Variants in POLD4 observed in about 807,000 individuals in gnomAD.
The protein encoded by POLD4 is DNA polymerase delta subunit 4.
POLD4 carries 9 observed loss-of-function variants against 16.5 expected under a neutral mutation model. The observed-to-expected ratio is 0.55, with a 90% CI of 0.33 to 0.95. The LOEUF (loss-of-function observed/expected upper bound fraction) is 0.95, where lower values mean the gene tolerates loss of function less well. Ranked by LOEUF, POLD4 falls within the 40% of genes least tolerant of loss-of-function variation. The probability of loss-of-function intolerance (pLI) is 0.03; values close to 1 mark genes in which losing one functional copy is unlikely to be tolerated. For synonymous variants in POLD4, 62 were observed against 57.6 expected, an observed-to-expected ratio of 1.08 and a Z score of -0.35; for missense variants, 129 against 139.7, an observed-to-expected ratio of 0.92 and a Z score of 0.39.
chr11:67,350,983 C>A lies in POLD4; in HGVS notation c.*1012G>T, dbSNP rs947719437. 1 of 152,050 alleles carries A rather than the reference C, an allele frequency of 6.6e-6. No homozygotes were observed. The highest frequency in any genetic ancestry group is 1.5e-5 in the Non-Finnish European group (1 of 68,074). 9.4% of individuals were successfully genotyped at this position (152,050 alleles called of 1,614,324 possible). On this transcript the variant is annotated 3_prime_UTR_variant, in exon 4 of 4. Transcript: ENST00000312419. The stretch of plus-strand genomic sequence containing the variant: ...TTCACCATGTTAGCCAGGATGGTCT[C>A]GATCTCTTGACCTCGTGATCCGCCC...
Position 67,352,011 on chromosome 11 carries a change from T to A in POLD4, c.308A>T (p.His103Leu). Residue 103 changes from histidine (H) to leucine (L), a missense_variant, in exon 4 of 4, where the codon CAT becomes CTT. Coordinates refer to ENST00000312419, the MANE Select transcript of POLD4 (RefSeq NM_021173.5). Reference sequence around the variant, plus strand: ...CGTGGTGCCTCATAGGGGATAGAGATGCCAGAGACTGTGGAAGATGGGGTG... The same window carrying A: ...CGTGGTGCCTCATAGGGGATAGAGAAGCCAGAGACTGTGGAAGATGGGGTG... ...GDPRFQCSLW[H>L]LYPL The A allele has an allele frequency of 9.0e-7, 1 of 1,106,078 alleles. No individual in the cohort carries two copies. 68.5% of individuals were successfully genotyped at this position (1,106,078 alleles called of 1,614,324 possible).
chr11:67,352,139 C>T (rs1295347394), intron 3 of POLD4, 120 bp from the exon 4 acceptor site: 13 of 787,368 alleles, frequency 1.7e-5, no homozygotes, highest in Non-Finnish European at 2.7e-5. Flanking sequence ...GCCCATAGTC[C>T]TTGGGAAACC....
chr11:67,353,125 C>G (rs1459148903), intron 1 of POLD4, 48 bp from the exon 2 acceptor site: 1 of 1,528,934 alleles, frequency 6.5e-7, no homozygotes. Context: ...CAGTCTCCTG[C>G]CCCTCACCTC....
At chr11:67,352,527 A>G in intron 3 of POLD4, 164 bp downstream of exon 3, 1 of 574,672 alleles carries the variant, frequency 1.7e-6, no homozygotes, top group Non-Finnish European at 3.1e-6. Context: ...AAGAATTATT[A>G]TAGTGGCGTG....
intron 2 of POLD4, 66 bp from the exon 3 acceptor site, chr11:67,352,868 G>A (rs1861903698): frequency 3.6e-6 from 5 of 1,405,394 alleles, no homozygotes; most frequent in South Asian, 2.6e-5. Context: ...GCTGGAGAAT[G>A]TGTGTGTTGG....
intron 1 of POLD4, 25 bp downstream of exon 1, chr11:67,353,277 TC>T (rs911689647): frequency 1.2e-6 from 2 of 1,601,772 alleles, no homozygotes; most frequent in African/African-American, 1.3e-5. Context: ...TGTCCACTCC[TC>T]CTGCCTCCCT....
chr11:67,353,499 G>A lies in POLD4; in HGVS notation c.-100C>T. On this transcript the variant is annotated 5_prime_UTR_variant, in exon 1 of 4. Transcript: ENST00000312419. ...ACAGCTGCTGAGAGAGACAGACGGG[G>A]CCAGGCCAGCGGCGGGCAGACAAGA... 1 of 1,031,012 alleles carries A rather than the reference G, an allele frequency of 9.7e-7. No individual in the cohort carries two copies. Among genetic ancestry groups the A allele is most frequent in the African/African-American group, 1.6e-5 (1 of 62,368 alleles). 63.9% of individuals were successfully genotyped at this position (1,031,012 alleles called of 1,614,324 possible). A position where few individuals can be genotyped will look rare whatever the true frequency, so the allele number is the denominator to read the frequency against.
chr11:67,352,613 C>T, intron 3 of POLD4, 78 bp downstream of exon 3: 5 of 1,101,550 alleles, frequency 4.5e-6, no homozygotes, highest in Non-Finnish European at 6.7e-6. Context: ...CCATTTCTCC[C>T]TCAGGTCAGG....
Position 67,353,493 on chromosome 11 carries a change from G to C in POLD4, c.-94C>G. ...AGAAAGACAGCTGCTGAGAGAGACA[G>C]ACGGGGCCAGGCCAGCGGCGGGCAG... is the stretch of plus-strand genomic sequence containing the variant. On this transcript the variant is annotated 5_prime_UTR_variant, in exon 1 of 4. Transcript: ENST00000312419. 1 of 1,100,656 alleles carries C rather than the reference G, an allele frequency of 9.1e-7. No individual in the cohort carries two copies. Among genetic ancestry groups the C allele is most frequent in the Non-Finnish European group, 1.3e-6 (1 of 761,736 alleles). 68.2% of individuals were successfully genotyped at this position (1,100,656 alleles called of 1,614,324 possible). A position where few individuals can be genotyped will look rare whatever the true frequency, so the allele number is the denominator to read the frequency against.
At chr11:67,352,962 C>T (rs1339284949) in intron 2 of POLD4, 26 bp downstream of exon 2, 3 of 1,525,082 alleles carry the variant, frequency 2.0e-6, no homozygotes, top group Non-Finnish European at 1.8e-6. Flanking sequence ...GGAGAGGCGC[C>T]TCCGTGGGGC....
chr11:67,353,290 A>C lies in POLD4; in HGVS notation c.97+13T>G. 1.2e-6 allele frequency: 2 copies of C among 1,607,006 alleles called. No individual in the cohort carries two copies. Among genetic ancestry groups the C allele is most frequent in the Non-Finnish European group, 1.7e-6 (2 of 1,177,942 alleles). ...CGTGTCCACTCCTCCTGCCTCCCTCACACCTCAGAGACCTAGCTCGGGTGC... is the reference window on the plus strand; with the variant it reads ...CGTGTCCACTCCTCCTGCCTCCCTCCCACCTCAGAGACCTAGCTCGGGTGC... On this transcript the variant is annotated intron_variant, in intron 1 of 3. Coordinates refer to ENST00000312419, the MANE Select transcript of POLD4 (RefSeq NM_021173.5).
chr11:67,353,350 C>G lies in POLD4; in HGVS notation c.50G>C (p.Arg17Thr), dbSNP rs758740392. The change falls in exon 1 of 4, where the codon AGG becomes ACG. Residue 17 changes from arginine (R) to threonine (T), a missense_variant. Transcript: ENST00000312419. ...ITDSYPVVKR[R>T]EGPAGHSKGE... is the part of the protein sequence containing the mutation. Reference sequence around the variant, plus strand: ...CTTGCTGTGCCCAGCGGGCCCCTCCCTCCTCTTCACAACCGGGTAGGAATC... The same window carrying G: ...CTTGCTGTGCCCAGCGGGCCCCTCCGTCCTCTTCACAACCGGGTAGGAATC... 2 of 1,612,516 alleles carry G rather than the reference C, an allele frequency of 1.2e-6. No individual in the cohort carries two copies. Among genetic ancestry groups the G allele is most frequent in the African/African-American group, 2.7e-5 (2 of 74,956 alleles).
At chr11:67,352,392 C>T (rs964265522) in intron 3 of POLD4, 15 of 367,074 alleles carry the variant, frequency 4.1e-5, no homozygotes, top group African/African-American at 2.7e-4. Context: ...CGCCTGTAGT[C>T]CCAGCTACTT....
intron 1 of POLD4, 46 bp downstream of exon 1, chr11:67,353,256 AG>A: frequency 6.3e-7 from 1 of 1,588,640 alleles, no homozygotes; most frequent in Non-Finnish European, 8.6e-7. Flanking sequence ...GGCCTCCTCT[AG>A]GCCCCTCCGT....
intron 3 of POLD4, 31 bp downstream of exon 3, chr11:67,352,659 TC>T (rs1861896237): frequency 1.3e-6 from 2 of 1,557,088 alleles, no homozygotes; most frequent in East Asian, 4.5e-5. Flanking sequence ...AGGCCCTGGC[TC>T]CCCTGAAAGC....
In POLD4 at chr11:67,353,281, GCCTCCCTC is replaced by G. The variant is rs1217957650; in HGVS notation, c.97+14_97+21del. The stretch of plus-strand genomic sequence containing the variant: ...AGGCCCCTCCGTGTCCACTCCTCCT[GCCTCCCTC>G]ACACCTCAGAGACCTAGCTCGGGTG... On this transcript the variant is annotated intron_variant, in intron 1 of 3. Transcript: ENST00000312419. 1 of 1,602,746 alleles carries G rather than the reference GCCTCCCTC, an allele frequency of 6.2e-7. No individual in the cohort carries two copies. Among genetic ancestry groups the G allele is most frequent in the Non-Finnish European group, 8.5e-7 (1 of 1,175,604 alleles).
chr11:67,352,441 C>T (rs1019099454), intron 3 of POLD4: 8 of 427,462 alleles, frequency 1.9e-5, no homozygotes, highest in South Asian at 1.0e-4. Flanking sequence ...ACCCGAGAGG[C>T]GGAGTTTGCA....
At chr11:67,352,411 G>C (rs1319725973) in intron 3 of POLD4, 1 of 385,138 alleles carries the variant, frequency 2.6e-6, no homozygotes, top group East Asian at 4.9e-5. Context: ...TTGGGAGGCT[G>C]AGACAGGAGA....
intron 3 of POLD4, 163 bp from the exon 4 acceptor site, chr11:67,352,182 T>C (rs1387051254): frequency 1.6e-6 from 1 of 610,006 alleles, no homozygotes; most frequent in Non-Finnish European, 2.9e-6. Flanking sequence ...CCTTGGGTCC[T>C]GGGTGTACCT....
Sources: gnomAD v4.1 joint callset for allele counts on GRCh38, gnomAD v4.1.1 for gene constraint, MANE v1.5 for transcripts, NCBI Gene and HGNC (gene_info 2026-07-23, HGNC 2026-07-21) for gene names.